CCDC181: variants seen among roughly 807,000 people sequenced by gnomAD.
The protein encoded by CCDC181 is coiled-coil domain-containing protein 181.
In CCDC181, 35 loss-of-function variants were observed where a neutral mutation model predicts 58.7. The observed-to-expected ratio is 0.60, with a 90% CI of 0.46 to 0.79. CCDC181 has a LOEUF of 0.79. Among genes scored for constraint, CCDC181 ranks in the 30% least tolerant of loss-of-function variants. The pLI, the probability that CCDC181 is intolerant of heterozygous loss-of-function variation, is 0.00. For synonymous variants in CCDC181, 183 were observed against 197.5 expected, an observed-to-expected ratio of 0.93 and a Z score of 0.62; for missense variants, 517 against 583.9, an observed-to-expected ratio of 0.89 and a Z score of 1.18.
chr1:169,458,749 A>G (rs1392537054), intron 2 of CCDC181, among the ~76,000 whole-genome samples: 1 of 152,050 alleles, frequency 6.6e-6, no homozygotes, highest in Non-Finnish European at 1.5e-5. Flanking sequence ...CCAATATCTG[A>G]AATCATTAGA....
chr1:169,407,415 T>G (rs1048949646), intron 4 of CCDC181, among the ~76,000 whole-genome samples: 3 of 152,132 alleles, frequency 2.0e-5, no homozygotes, highest in Non-Finnish European at 4.4e-5. Context: ...TTCGGTGATT[T>G]TCCACACATT....
At chr1:169,451,148 T>C (rs1210312570) in intron 2 of CCDC181, 1 of 152,074 alleles carries the variant, frequency 6.6e-6, no homozygotes, top group Non-Finnish European at 1.5e-5. Context: ...GCTTGGAGTT[T>C]TTTTCCAAAG....
chr1:169,413,790 G>A (rs1656089533), intron 4 of CCDC181, among the ~76,000 whole-genome samples: 1 of 150,806 alleles, frequency 6.6e-6, no homozygotes, highest in East Asian at 2.0e-4. Flanking sequence ...AACACTGCAT[G>A]TTCTCACTCA....
intron 4 of CCDC181, among the ~76,000 whole-genome samples, chr1:169,416,435 C>T (rs1477577118): frequency 1.3e-5 from 2 of 152,090 alleles, no homozygotes; most frequent in South Asian, 2.1e-4. Context: ...ATCTTGGCCC[C>T]GTCACTCCTA....
At chr1:169,454,161 G>C (rs1248818101) in intron 2 of CCDC181, among the ~76,000 whole-genome samples, 1 of 151,936 alleles carries the variant, frequency 6.6e-6, no homozygotes, top group Non-Finnish European at 1.5e-5. Flanking sequence ...CCTTCTTTTA[G>C]ATGTATTTTT....
At chr1:169,458,233 T>C in intron 2 of CCDC181, among the ~76,000 whole-genome samples, 1 of 150,872 alleles carries the variant, frequency 6.6e-6, no homozygotes, top group East Asian at 1.9e-4. Flanking sequence ...AAATCGCAAT[T>C]ACTTTTGCAC....
At chr1:169,430,649 T>C (rs1656891852), upstream of CCDC181, among the ~76,000 whole-genome samples, 1 of 136,856 alleles carries the variant, frequency 7.3e-6, no homozygotes, top group South Asian at 2.3e-4. Context: ...ATGTTCTTGG[T>C]ATTTTGAACA....
chr1:169,432,825 A>G (rs1017503006), intron 2 of CCDC181, among the ~76,000 whole-genome samples: 7 of 152,148 alleles, frequency 4.6e-5, no homozygotes, highest in Non-Finnish European at 7.4e-5. Flanking sequence ...CAGACTAGGA[A>G]TAGAAGGATA....
chr1:169,439,370 A>C (rs1241418868), intron 2 of CCDC181, among the ~76,000 whole-genome samples: 2 of 152,180 alleles, frequency 1.3e-5, no homozygotes, highest in African/African-American at 4.8e-5. Flanking sequence ...CTGTTATGAG[A>C]TGTCTCCCCA....
At chr1:169,430,233 C>T (rs1168164254), upstream of CCDC181, among the ~76,000 whole-genome samples, 1 of 152,132 alleles carries the variant, frequency 6.6e-6, no homozygotes, top group Non-Finnish European at 1.5e-5. Flanking sequence ...GTAATGCCTC[C>T]AGATTTGTTC....
chr1:169,419,602 T>C (rs1656374318), intron 3 of CCDC181, among the ~76,000 whole-genome samples: 1 of 152,178 alleles, frequency 6.6e-6, no homozygotes, highest in Non-Finnish European at 1.5e-5. Context: ...TATTTGAGAA[T>C]ACCTATATAC....
intron 4 of CCDC181, among the ~76,000 whole-genome samples, chr1:169,404,894 T>A (rs1655564223): frequency 6.6e-6 from 1 of 152,248 alleles, no homozygotes; most frequent in Non-Finnish European, 1.5e-5. Flanking sequence ...ATGACATGAT[T>A]GTATATTTAG....
chr1:169,422,870 A>G (rs553989812), intron 2 of CCDC181, among the ~76,000 whole-genome samples: 144 of 151,862 alleles, frequency 9.5e-4, no homozygotes, highest in Non-Finnish European at 1.4e-3. Context: ...CCCTTCTTCA[A>G]CTATACTCAG....
At chr1:169,449,339 C>T (rs985837881) in intron 2 of CCDC181, among the ~76,000 whole-genome samples, 3 of 152,142 alleles carry the variant, frequency 2.0e-5, no homozygotes, top group African/African-American at 7.2e-5. Context: ...TTGCACATGC[C>T]ATAAGCTTCC....
chr1:169,424,816 T>G lies in CCDC181; in HGVS notation c.112A>C (p.Ile38Leu). The G allele has an allele frequency of 6.4e-7, 1 of 1,553,762 alleles. No homozygotes were observed. The highest frequency in any genetic ancestry group is 8.9e-7 in the Non-Finnish European group (1 of 1,129,616). Residue 38 changes from isoleucine to leucine, a missense_variant, in exon 2 of 6, where the codon ATA (isoleucine) becomes CTA (leucine). Coordinates refer to ENST00000367806, the MANE Select transcript of CCDC181 (RefSeq NM_001300969.2). ...NENEKSDASI[I>L]EMACEKEENI... ...ATGCTGTTGGCAATATATACCTCTA[T>G]TATGCTGGCATCACTTTTTTCATTT...
At chr1:169,430,679 AC>A (rs1381850231), upstream of CCDC181, among the ~76,000 whole-genome samples, 1 of 147,262 alleles carries the variant, frequency 6.8e-6, no homozygotes, top group Non-Finnish European at 1.5e-5. Context: ...AAAAAAAAAA[AC>A]ACACAAATAA....
chr1:169,448,029 A>G (rs1447365875), intron 2 of CCDC181, among the ~76,000 whole-genome samples: 2 of 152,092 alleles, frequency 1.3e-5, no homozygotes, highest in African/African-American at 4.8e-5. Context: ...TGCAATATAT[A>G]TTTTTAACAA....
chr1:169,436,927 GAATT>G (rs1256117026), intron 2 of CCDC181, among the ~76,000 whole-genome samples: 1 of 151,916 alleles, frequency 6.6e-6, no homozygotes, highest in Non-Finnish European at 1.5e-5. Context: ...AAAAATGGAG[GAATT>G]AATTAGGAGG....
intron 2 of CCDC181, among the ~76,000 whole-genome samples, chr1:169,441,928 C>T (rs1468758260): frequency 4.0e-5 from 6 of 151,760 alleles, no homozygotes; most frequent in Admixed American, 1.3e-4. Flanking sequence ...AATATGATCC[C>T]GGAAATAGAT....
Sources: allele counts gnomAD v4.1 joint callset (sites outside exome capture counted in the v4.1 genomes callset), GRCh38; gene constraint gnomAD v4.1.1; transcripts MANE v1.5; gene names NCBI Gene and HGNC (gene_info 2026-07-23, HGNC 2026-07-21).